Variants in RB1 observed in about 807,000 individuals in gnomAD.
RB1 encodes RB transcriptional corepressor 1, also known as retinoblastoma-associated protein.
RB1 carries 18 observed loss-of-function variants against 135.4 expected under a neutral mutation model. That is an observed-to-expected ratio of 0.13 (90% CI 0.09 to 0.20). The LOEUF (loss-of-function observed/expected upper bound fraction) is 0.20, where lower values mean the gene tolerates loss of function less well. RB1 is among the 10% of genes least tolerant of loss of function. RB1 has a pLI of 1.00. For synonymous variants in RB1, 365 were observed against 373.2 expected (o/e 0.98, Z 0.25); for missense variants, 868 against 1,110.0 (o/e 0.78, Z 3.10).
At chr13:48,305,547 G>A (rs544902040) in intron 1 of RB1, among the ~76,000 whole-genome samples, 1 of 152,250 alleles carries the variant, frequency 6.6e-6, no homozygotes, top group African/African-American at 2.4e-5. Context: ...CTAATGTAGG[G>A]TAACCAGGAA....
intron 2 of RB1, among the ~76,000 whole-genome samples, chr13:48,334,520 G>A (rs1010632556): frequency 5.3e-5 from 8 of 152,080 alleles, no homozygotes; most frequent in Non-Finnish European, 1.0e-4. Context: ...TGAACTATGC[G>A]TAAGGATATA....
In RB1 at chr13:48,429,103, A is replaced by G. The variant is rs141022556; in HGVS notation, c.1696-23890A>G. ...TTTACTCCCTGATTTATATTTGCTGATTTTTCATATTATTGTAATGTTATA... is the reference window on the plus strand; with the variant it reads ...TTTACTCCCTGATTTATATTTGCTGGTTTTTCATATTATTGTAATGTTATA... On this transcript the variant is annotated intron_variant, in intron 17 of 26. Coordinates refer to ENST00000267163, the MANE Select transcript of RB1 (RefSeq NM_000321.3). Among the ~76,000 whole-genome samples the G allele has an allele frequency of 5.6e-3, 846 of 152,240 alleles. 5 individuals are homozygous for G. The highest frequency in any genetic ancestry group is 0.01 in the Middle Eastern group (3 of 294).
In RB1 at chr13:48,348,945, T is replaced by G. The variant is rs1297432502; in HGVS notation, c.540-11T>G. ...TTCCTGTTTTTTTTCTGCTTTCTAT[T>G]TGTTTAATAGGATATCTACTGAAAT... On this transcript the variant is annotated splice_polypyrimidine_tract_variant and intron_variant, in intron 5 of 26. Coordinates refer to ENST00000267163, the MANE Select transcript of RB1 (RefSeq NM_000321.3). The G allele has an allele frequency of 1.3e-6, 2 of 1,598,024 alleles. No homozygotes were observed. The highest frequency in any genetic ancestry group is 1.7e-6 in the Non-Finnish European group (2 of 1,171,560).
At chr13:48,318,406 C>T (rs1310707448) in intron 2 of RB1, 14 of 1,502,074 alleles carry the variant, frequency 9.3e-6, no homozygotes, top group Non-Finnish European at 1.1e-5. Context: ...ATGGCCGTGT[C>T]CAGGTCCTCG....
At chr13:48,360,378 C>T in intron 7 of RB1, 1 of 611,270 alleles carries the variant, frequency 1.6e-6, no homozygotes, top group South Asian at 2.8e-5. Context: ...AAAGTTTTTC[C>T]AGCTGTGGAA....
chr13:48,366,948 G>A (rs1397596470), intron 9 of RB1, among the ~76,000 whole-genome samples: 3 of 151,716 alleles, frequency 2.0e-5, no homozygotes, highest in African/African-American at 4.8e-5. Context: ...GCGAAACCCC[G>A]TCTCTACTAA....
intron 17 of RB1, among the ~76,000 whole-genome samples, chr13:48,382,793 G>A (rs1179893299): frequency 1.3e-5 from 2 of 152,138 alleles, no homozygotes; most frequent in Non-Finnish European, 2.9e-5. Flanking sequence ...GAATGGTATT[G>A]CCTAGGTTTT....
At chr13:48,476,599 C>T (rs1949505107) in intron 24 of RB1, 102 bp from the exon 25 acceptor site, 1 of 1,230,016 alleles carries the variant, frequency 8.1e-7, no homozygotes, top group Non-Finnish European at 1.2e-6. Context: ...GAAGTTATTA[C>T]CTTTGCCTGA....
intron 17 of RB1, among the ~76,000 whole-genome samples, chr13:48,441,536 G>A (rs1314822469): frequency 1.3e-5 from 2 of 152,098 alleles, no homozygotes; most frequent in East Asian, 1.9e-4. Flanking sequence ...GAAGCTTTAA[G>A]GATTATGAAA....
intron 17 of RB1, among the ~76,000 whole-genome samples, chr13:48,436,376 C>T (rs1388558094): frequency 6.6e-6 from 1 of 152,142 alleles, no homozygotes; most frequent in Non-Finnish European, 1.5e-5. Context: ...ATTGCTGTGG[C>T]TCATGCTTGT....
chr13:48,443,745 T>C (rs1166967201), intron 17 of RB1, among the ~76,000 whole-genome samples: 1 of 152,202 alleles, frequency 6.6e-6, no homozygotes, highest in Non-Finnish European at 1.5e-5. Flanking sequence ...CCTCCTTAAA[T>C]TTTCCATCTT....
chr13:48,438,537 A>G (rs1696805874), intron 17 of RB1, among the ~76,000 whole-genome samples: 2 of 151,260 alleles, frequency 1.3e-5, no homozygotes, highest in South Asian at 2.1e-4. Context: ...TTGTATTGCT[A>G]TTTTTTATTT....
chr13:48,362,228 G>A (rs1346661217), intron 7 of RB1, among the ~76,000 whole-genome samples: 1 of 151,992 alleles, frequency 6.6e-6, no homozygotes, highest in Admixed American at 6.5e-5. Context: ...TTACAGGCGT[G>A]AGCCACCACA....
chr13:48,455,514 T>C (rs563921099), intron 18 of RB1, among the ~76,000 whole-genome samples: 2 of 152,094 alleles, frequency 1.3e-5, no homozygotes, highest in African/African-American at 4.8e-5. Context: ...TGTAGAAACA[T>C]CCATAGTAAG....
chr13:48,385,895 A>G (rs1442010645), intron 17 of RB1, among the ~76,000 whole-genome samples: 1 of 152,076 alleles, frequency 6.6e-6, no homozygotes, highest in Non-Finnish European at 1.5e-5. Flanking sequence ...GGTCAAAGAA[A>G]CCAAATGCTG....
chr13:48,395,012 G>C (rs1191034673), intron 17 of RB1, among the ~76,000 whole-genome samples: 1 of 152,158 alleles, frequency 6.6e-6, no homozygotes, highest in Non-Finnish European at 1.5e-5. Flanking sequence ...GCTGCCATCT[G>C]GTGGGTACCC....
At chr13:48,434,154 C>A (rs1160664855) in intron 17 of RB1, among the ~76,000 whole-genome samples, 1 of 151,774 alleles carries the variant, frequency 6.6e-6, no homozygotes, top group African/African-American at 2.4e-5. Context: ...TTTTAAAATT[C>A]TTCTTCAATG....
intron 17 of RB1, among the ~76,000 whole-genome samples, chr13:48,422,988 A>G (rs914909474): frequency 4.0e-5 from 6 of 151,888 alleles, no homozygotes; most frequent in African/African-American, 1.5e-4. Context: ...AAATTAGCCA[A>G]GTGTGGTGGT....
intron 6 of RB1, among the ~76,000 whole-genome samples, chr13:48,356,711 A>G (rs1230637581): frequency 6.6e-6 from 1 of 152,034 alleles, no homozygotes; most frequent in Admixed American, 6.6e-5. Flanking sequence ...AATGGATTCT[A>G]AGGTTATCAT....
Sources: gnomAD v4.1 joint callset for allele counts (sites outside exome capture counted in the v4.1 genomes callset) on GRCh38, gnomAD v4.1.1 for gene constraint, MANE v1.5 for transcripts, NCBI Gene and HGNC (gene_info 2026-07-23, HGNC 2026-07-21) for gene names.